Variants in PHACTR3 observed in about 807,000 individuals in gnomAD.
PHACTR3 encodes the protein protein phosphatase 1, regulatory subunit 123.
Under a neutral mutation model 66.8 loss-of-function variants are expected in PHACTR3, and 16 were observed. The observed-to-expected ratio is 0.24, with a 90% CI of 0.16 to 0.36. The LOEUF (loss-of-function observed/expected upper bound fraction) is 0.36, where lower values mean the gene tolerates loss of function less well. Ranked by LOEUF, PHACTR3 falls within the 10% of genes least tolerant of loss-of-function variation. The pLI is 1.00. For missense variants in PHACTR3, 647 were observed against 719.9 expected (o/e 0.90, Z 1.16); for synonymous variants, 323 against 292.1 (o/e 1.11, Z -1.08).
chr20:59,698,103 T>G (rs2037366112), intron 1 of PHACTR3, among the ~76,000 whole-genome samples: 1 of 152,198 alleles, frequency 6.6e-6, no homozygotes, highest in African/African-American at 2.4e-5. Flanking sequence ...AAATGACCAT[T>G]AACAGGGGAC....
intron 1 of PHACTR3, among the ~76,000 whole-genome samples, chr20:59,673,443 G>A (rs147475136): frequency 3.9e-5 from 6 of 152,330 alleles, no homozygotes; most frequent in South Asian, 2.1e-4. Context: ...GGGTGTCTGC[G>A]GTTCGCCCCG....
chr20:59,684,753 T>G (rs1286154397), intron 1 of PHACTR3, among the ~76,000 whole-genome samples: 1 of 152,216 alleles, frequency 6.6e-6, no homozygotes, highest in African/African-American at 2.4e-5. Flanking sequence ...TGAGCTGTTA[T>G]GACATCGTGC....
intron 8 of PHACTR3, 82 bp downstream of exon 8, chr20:59,806,276 G>T: frequency 1.3e-6 from 2 of 1,531,408 alleles, no homozygotes; most frequent in Non-Finnish European, 1.8e-6. Context: ...CATCCTGGGT[G>T]TGCCAGGCCG....
rs895972857 is a variant in PHACTR3, at chr20:59,847,198, T to G, written c.*68T>G. On this transcript the variant is annotated 3_prime_UTR_variant, in exon 13 of 13. Coordinates refer to ENST00000371015, the MANE Select transcript of PHACTR3 (RefSeq NM_080672.5). Reference sequence around the variant, plus strand: ...CAACACTGAACATTCATCAGGGAACTTTCCTGAAGTTCAGCTCAAGACTAC... The same window carrying G: ...CAACACTGAACATTCATCAGGGAACGTTCCTGAAGTTCAGCTCAAGACTAC... The G allele has an allele frequency of 8.2e-7, 1 of 1,222,178 alleles. No homozygotes were observed. The highest frequency in any genetic ancestry group is 1.2e-6 in the Non-Finnish European group (1 of 841,648). The allele number at this position is 1,222,178 out of a possible 1,614,324, so 75.7% of individuals were successfully genotyped here.
At chr20:59,791,642 G>A (rs529783658) in intron 7 of PHACTR3, among the ~76,000 whole-genome samples, 121 of 151,124 alleles carry the variant, frequency 8.0e-4, no homozygotes, top group South Asian at 5.2e-3. Flanking sequence ...CACAGTGCTG[G>A]TTTGTTACAT....
chr20:59,819,861 C>T (rs561474909), intron 8 of PHACTR3, among the ~76,000 whole-genome samples: 14 of 152,326 alleles, frequency 9.2e-5, no homozygotes, highest in Non-Finnish European at 1.8e-4. Flanking sequence ...GGTGCTGTAC[C>T]GGTACTGGCC....
chr20:59,797,571 T>A (rs2041288192), intron 7 of PHACTR3, among the ~76,000 whole-genome samples: 1 of 152,242 alleles, frequency 6.6e-6, no homozygotes, highest in South Asian at 2.1e-4. Flanking sequence ...TGCAGTAATA[T>A]AGTCTCTGTG....
At chr20:59,775,965 G>C (rs922624741) in intron 7 of PHACTR3, among the ~76,000 whole-genome samples, 10 of 152,224 alleles carry the variant, frequency 6.6e-5, no homozygotes, top group Non-Finnish European at 1.5e-4. Context: ...GATTCCCCCA[G>C]TGAAGACAAT....
Position 59,847,351 on chromosome 20 carries a change from T to G in PHACTR3, c.*221T>G, listed in dbSNP as rs796976581. 2.4e-6 allele frequency: 1 copy of G among 424,900 alleles called. No individual in the cohort carries two copies. The highest frequency in any genetic ancestry group is 3.4e-5 in the Admixed American group (1 of 29,410). 26.3% of individuals were successfully genotyped at this position (424,900 alleles called of 1,614,324 possible). On this transcript the variant is annotated 3_prime_UTR_variant, in exon 13 of 13. Transcript: ENST00000371015. ...TCTTTGGTGTCTGAGGAGTGTGAAC[T>G]GTTGGGGTCAGTTAAGACCCAACAT...
chr20:59,620,721 G>T (rs998873619), intron 1 of PHACTR3, among the ~76,000 whole-genome samples: 1 of 152,098 alleles, frequency 6.6e-6, no homozygotes, highest in Non-Finnish European at 1.5e-5. Context: ...TTTGTAATTC[G>T]TCAGCGTTTT....
Position 59,736,242 on chromosome 20 carries a change from G to A in PHACTR3, c.119-6865G>A, listed in dbSNP as rs1373933236. Among the ~76,000 whole-genome samples, 2 of 152,158 alleles carry A rather than the reference G, an allele frequency of 1.3e-5. No homozygotes were observed. Among genetic ancestry groups the A allele is most frequent in the Admixed American group, 6.5e-5 (1 of 15,286 alleles). ...AATTAACCTCTAATGCCTCAGAGGTGGCAGAGGTGCAGTGGAACCTGGCAC... is the reference window on the plus strand; with the variant it reads ...AATTAACCTCTAATGCCTCAGAGGTAGCAGAGGTGCAGTGGAACCTGGCAC... On this transcript the variant is annotated intron_variant, in intron 1 of 12. Transcript: ENST00000371015. The surrounding 1 kb of genome is among the most constrained non-coding windows in gnomAD (Gnocchi z 4.6).
At chr20:59,805,901 T>A in intron 7 of PHACTR3, 140 bp from the exon 8 acceptor site, 1 of 874,674 alleles carries the variant, frequency 1.1e-6, no homozygotes, top group South Asian at 1.7e-5. Flanking sequence ...CGAGCGTGTG[T>A]CCTCTCAGTT....
chr20:59,760,907 C>T (rs2039974007), intron 4 of PHACTR3, among the ~76,000 whole-genome samples: 1 of 152,092 alleles, frequency 6.6e-6, no homozygotes, highest in Non-Finnish European at 1.5e-5. Flanking sequence ...TATCTTATAA[C>T]AGCCTCATAT....
chr20:59,772,609 C>T (rs749219557), intron 5 of PHACTR3, among the ~76,000 whole-genome samples: 3 of 152,078 alleles, frequency 2.0e-5, no homozygotes, highest in South Asian at 2.1e-4. Flanking sequence ...CCTTCAAAGA[C>T]GGGAGAGATC....
At chr20:59,622,996 A>AAAAAAAAAAAAAAAAAAAAAAAAAAAAAC (rs1568940612) in intron 1 of PHACTR3, among the ~76,000 whole-genome samples, 20 of 146,526 alleles carry the variant, frequency 1.4e-4, no homozygotes, top group African/African-American at 4.3e-4. Context: ...AAAAAAAAAA[A>AAAAAAAAAAAAAAAAAAAAAAAAAAAAAC]AAAAACCCAA....
chr20:59,621,679 A>C (rs1383546821), intron 1 of PHACTR3, among the ~76,000 whole-genome samples: 1 of 152,184 alleles, frequency 6.6e-6, no homozygotes, highest in African/African-American at 2.4e-5. Flanking sequence ...CCTTCCCTGA[A>C]GGAGCTGTAC....
rs2040451590 is a variant in PHACTR3, at chr20:59,774,267, G to T, written c.951G>T (p.Gly317=). ...GTTTTCAAGGAAGAGAAAGTAAAGGGTCTCCAAAGAAGCGGCTGGATGTCC... is the reference window on the plus strand; with the variant it reads ...GTTTTCAAGGAAGAGAAAGTAAAGGTTCTCCAAAGAAGCGGCTGGATGTCC... The part of the protein sequence containing the change: ...QDSFQGRESK[G]SPKKRLDVRL... The change falls in exon 7 of 13, where the codon GGG becomes GGT. Residue 317 remains glycine, a synonymous_variant. Coordinates refer to ENST00000371015, the MANE Select transcript of PHACTR3 (RefSeq NM_080672.5). The T allele has an allele frequency of 6.2e-7, 1 of 1,603,380 alleles. No individual in the cohort carries two copies. Among genetic ancestry groups the T allele is most frequent in the East Asian group, 2.2e-5 (1 of 44,798 alleles).
chr20:59,740,811 T>C (rs2039129772), intron 1 of PHACTR3, among the ~76,000 whole-genome samples: 1 of 152,200 alleles, frequency 6.6e-6, no homozygotes, highest in Non-Finnish European at 1.5e-5. Context: ...CGCCTGTCAC[T>C]GGGGGCACAG....
intron 7 of PHACTR3, among the ~76,000 whole-genome samples, chr20:59,798,749 C>T (rs6064843): frequency 0.74 from 112,282 of 151,938 alleles, 46,517 homozygotes; most frequent in Non-Finnish European, 0.93. Flanking sequence ...GTTCCCTTAC[C>T]ATCTCTTTTT....
Sources: gnomAD v4.1 joint callset for allele counts (sites outside exome capture counted in the v4.1 genomes callset) on GRCh38, gnomAD v4.1.1 for gene constraint, Gnocchi (gnomAD v3.1) non-coding constraint, MANE v1.5 for transcripts, NCBI Gene and HGNC (gene_info 2026-07-23, HGNC 2026-07-21) for gene names.